Variants in ADGRB1 observed in about 807,000 individuals in gnomAD.
ADGRB1 encodes the protein adhesion G protein-coupled receptor B1.
Under a neutral mutation model 175.7 loss-of-function variants are expected in ADGRB1, and 36 were observed. That is an observed-to-expected ratio of 0.20 (90% CI 0.16 to 0.27). ADGRB1 has a LOEUF of 0.27. Among genes scored for constraint, ADGRB1 ranks in the 10% least tolerant of loss-of-function variants. The probability of loss-of-function intolerance (pLI) is 1.00; values close to 1 mark genes in which losing one functional copy is unlikely to be tolerated. For missense variants in ADGRB1, 1,731 were observed against 2,255.3 expected (o/e 0.77, Z 4.71); for synonymous variants, 1,054 against 979.4 (o/e 1.08, Z -1.42).
chr8:142,458,524 C>T (rs563280326), intron 1 of ADGRB1, among the ~76,000 whole-genome samples: 9 of 152,228 alleles, frequency 5.9e-5, no homozygotes, highest in South Asian at 4.1e-4. Flanking sequence ...ACGTTGGTGC[C>T]CTCTTCCCCA....
At chr8:142,513,091 G>T (rs569451060) in intron 18 of ADGRB1, among the ~76,000 whole-genome samples, 1 of 152,338 alleles carries the variant, frequency 6.6e-6, no homozygotes, top group African/African-American at 2.4e-5. Context: ...TGTTCACAGG[G>T]CAGGATGCCA....
At chr8:142,535,095 G>A (rs1207780385) in intron 25 of ADGRB1, among the ~76,000 whole-genome samples, 1 of 152,258 alleles carries the variant, frequency 6.6e-6, no homozygotes, top group Non-Finnish European at 1.5e-5. Flanking sequence ...GCAGCTCAAA[G>A]CTCAGTAGAA....
At chr8:142,514,311 C>T (rs924685270) in intron 18 of ADGRB1, among the ~76,000 whole-genome samples, 6 of 151,890 alleles carry the variant, frequency 4.0e-5, no homozygotes, top group African/African-American at 7.3e-5. Flanking sequence ...GTGAGACCCA[C>T]GAGTCCTCCT....
At chr8:142,483,908 C>T (rs372871787) in intron 11 of ADGRB1, 69 bp from the exon 12 acceptor site, 1 of 1,541,078 alleles carries the variant, frequency 6.5e-7, no homozygotes, top group Non-Finnish European at 9.0e-7. Flanking sequence ...GAATCCTGAC[C>T]CTGGTCACAG....
At chr8:142,499,710 G>A (rs374076840) in intron 17 of ADGRB1, among the ~76,000 whole-genome samples, 80 of 152,308 alleles carry the variant, frequency 5.3e-4, no homozygotes, top group African/African-American at 1.6e-3. Context: ...TCCCCATGCC[G>A]CCTTTTAGAA....
rs954084293 is a variant in ADGRB1, at chr8:142,476,989, G to A, written c.1058-125G>A. ...TGAGATCAGCCTGGTTCGAAGGCCC[G>A]GGGGCTCTGCCCCAGCCCCGCTGCC... On this transcript the variant is annotated intron_variant, in intron 4 of 30. Transcript: ENST00000517894. 12 of 1,310,586 alleles carry A rather than the reference G, an allele frequency of 9.2e-6. No homozygotes were observed. The East Asian group carries it at 1.1e-4, about 12-fold the overall frequency. The allele number at this position is 1,310,586 out of a possible 1,614,324, so 81.2% of individuals were successfully genotyped here.
In ADGRB1 at chr8:142,464,059, G is replaced by T; in HGVS notation, c.-140G>T. The stretch of plus-strand genomic sequence containing the variant: ...CTGCCCTCTCTGTCACCTGAAGCGG[G>T]GCCCTCTCCCATCCCACCCTTGCCC... On this transcript the variant is annotated 5_prime_UTR_variant, in exon 2 of 31. Coordinates refer to ENST00000517894, the MANE Select transcript of ADGRB1 (RefSeq NM_001702.3). 1 of 709,600 alleles carries T rather than the reference G, an allele frequency of 1.4e-6. No homozygotes were observed. Among genetic ancestry groups the T allele is most frequent in the South Asian group, 7.1e-5 (1 of 14,058 alleles). The allele number at this position is 709,600 out of a possible 1,614,324, so 44.0% of individuals were successfully genotyped here. A position where few individuals can be genotyped will look rare whatever the true frequency, so the allele number is the denominator to read the frequency against.
In ADGRB1 at chr8:142,504,080, T is replaced by A. The variant is rs564196912; in HGVS notation, c.2676-6852T>A. ...TTCAGTAAGACCCAGGTCAGGCAGG[T>A]GTTCAAATGCCAAGGTCGATGGGTC... On this transcript the variant is annotated intron_variant, in intron 17 of 30. Transcript: ENST00000517894. This position sits in a 1 kb window ranked among gnomAD's most constrained non-coding sequence, Gnocchi z 5.6. 6.6e-6 allele frequency among the ~76,000 whole-genome samples: 1 copy of A among 152,218 alleles called. No individual in the cohort carries two copies. Among genetic ancestry groups the A allele is most frequent in the East Asian group, 1.9e-4 (1 of 5,164 alleles).
At chr8:142,480,135 G>A (rs1841253497) in intron 9 of ADGRB1, among the ~76,000 whole-genome samples, 1 of 152,242 alleles carries the variant, frequency 6.6e-6, no homozygotes, top group African/African-American at 2.4e-5. Context: ...GGGACAGGAA[G>A]AGGAGGTCTC....
rs968652986 is a variant in ADGRB1, at chr8:142,510,291, A to C, written c.2676-641A>C. Among the ~76,000 whole-genome samples, 6 of 151,914 alleles carry C rather than the reference A, an allele frequency of 3.9e-5. No homozygotes were observed. The highest frequency in any genetic ancestry group is 8.8e-5 in the Non-Finnish European group (6 of 67,928). On this transcript the variant is annotated intron_variant, in intron 17 of 30. Transcript: ENST00000517894. The surrounding 1 kb of genome is among the most constrained non-coding windows in gnomAD (Gnocchi z 6.3). The stretch of plus-strand genomic sequence containing the variant: ...CCGCAGAGGGAAGTTTCCAGCGGCA[A>C]GCCTCCCCGCGGGGAAGGCTGTGTC...
At chr8:142,519,411 T>C (rs1843632416) in intron 19 of ADGRB1, among the ~76,000 whole-genome samples, 2 of 152,150 alleles carry the variant, frequency 1.3e-5, no homozygotes, top group South Asian at 4.1e-4. Flanking sequence ...CCCCTGAGGC[T>C]CAGCCCTGTG....
In ADGRB1 at chr8:142,543,556, G is replaced by A; in HGVS notation, c.4450-45G>A. Reference sequence around the variant, plus strand: ...GGGCGGGGCAGGCAGGATGGGCCATGCCCTCCTCCTGGCCCAGGACTCACT... The same window carrying A: ...GGGCGGGGCAGGCAGGATGGGCCATACCCTCCTCCTGGCCCAGGACTCACT... On this transcript the variant is annotated intron_variant, in intron 29 of 30. Transcript: ENST00000517894. This position sits in a 1 kb window ranked among gnomAD's most constrained non-coding sequence, Gnocchi z 4.4. 6.3e-7 allele frequency: 1 copy of A among 1,578,642 alleles called. No homozygotes were observed. Among genetic ancestry groups the A allele is most frequent in the Non-Finnish European group, 8.6e-7 (1 of 1,161,684 alleles).
At position 142,479,310 on chromosome 8, in the gene ADGRB1, C is replaced by T; in HGVS notation, c.1562-13C>T. ...CTTGTCGCCTGTGCCCTGTGTCTGGCCACGCCCCGCAGTGGATGGCAAGTG... is the reference window on the plus strand; with the variant it reads ...CTTGTCGCCTGTGCCCTGTGTCTGGTCACGCCCCGCAGTGGATGGCAAGTG... On this transcript the variant is annotated splice_polypyrimidine_tract_variant and intron_variant, in intron 7 of 30. Transcript: ENST00000517894. 6.8e-7 allele frequency: 1 copy of T among 1,481,146 alleles called. No individual in the cohort carries two copies. The highest frequency in any genetic ancestry group is 8.9e-7 in the Non-Finnish European group (1 of 1,122,236). The allele number at this position is 1,481,146 out of a possible 1,614,324, so 91.8% of individuals were successfully genotyped here. A position where few individuals can be genotyped will look rare whatever the true frequency, so the allele number is the denominator to read the frequency against.
intron 27 of ADGRB1, among the ~76,000 whole-genome samples, chr8:142,541,557 C>G (rs900457539): frequency 6.6e-6 from 1 of 152,224 alleles, no homozygotes; most frequent in African/African-American, 2.4e-5. Flanking sequence ...GTTGGAGGGC[C>G]GGCTGGGCTC....
Position 142,456,946 on chromosome 8 carries a change from T to C in ADGRB1, c.-220+6842T>C, listed in dbSNP as rs978840470. 4.9e-4 allele frequency among the ~76,000 whole-genome samples: 75 copies of C among 152,342 alleles called. 1 individual carries two copies. The highest frequency in any genetic ancestry group is 1.8e-3 in the African/African-American group (74 of 41,590). On this transcript the variant is annotated intron_variant, in intron 1 of 30. Transcript: ENST00000517894. ...CAGCCCTGCCTTCGAGGGCAACTTC[T>C]AGGCAAGGTAGCCCTCCTCACTCTG...
rs760891185 is a variant in ADGRB1 at position 142,542,381 on chromosome 8, G to A, written c.4147G>A (p.Ala1383Thr). ...GACCCGCCTCATCCACCTCAGCACG[G>A]CCCCCGAGGCCAGCCTCCCCGCCCG... ...PQTRLIHLST[A>T]PEASLPARSP... The change falls in exon 28 of 31, where the codon GCC becomes ACC. Residue 1383 changes from alanine to threonine, a missense_variant. Transcript: ENST00000517894. The surrounding 1 kb of genome is among the most constrained non-coding windows in gnomAD (Gnocchi z 6.3). 5.2e-5 allele frequency: 81 copies of A among 1,566,732 alleles called. No individual in the cohort carries two copies. The highest frequency in any genetic ancestry group is 1.3e-4 in the Admixed American group (7 of 52,932).
intron 23 of ADGRB1, 54 bp downstream of exon 23, chr8:142,524,358 G>T: frequency 6.7e-7 from 1 of 1,503,374 alleles, no homozygotes. Flanking sequence ...CCCCCCACCT[G>T]CCTCCTGGGC....
In ADGRB1 at chr8:142,537,133, C is replaced by T. The variant is rs542478693; in HGVS notation, c.3666+51C>T. 4.5e-6 allele frequency: 6 copies of T among 1,344,234 alleles called. No individual in the cohort carries two copies. The highest frequency in any genetic ancestry group is 3.0e-5 in the African/African-American group (2 of 66,018). The allele number at this position is 1,344,234 out of a possible 1,614,324, so 83.3% of individuals were successfully genotyped here. A position where few individuals can be genotyped will look rare whatever the true frequency, so the allele number is the denominator to read the frequency against. On this transcript the variant is annotated intron_variant, in intron 26 of 30. Coordinates refer to ENST00000517894, the MANE Select transcript of ADGRB1 (RefSeq NM_001702.3). The surrounding 1 kb of genome is among the most constrained non-coding windows in gnomAD (Gnocchi z 4.6). ...GGCTGCCCTACCTGCCTCGTACCCCCGCCAAGTGCCTCCAGGCCCTCACCG... is the reference window on the plus strand; with the variant it reads ...GGCTGCCCTACCTGCCTCGTACCCCTGCCAAGTGCCTCCAGGCCCTCACCG...
chr8:142,466,186 G>A (rs1056179320), intron 2 of ADGRB1, among the ~76,000 whole-genome samples: 3 of 152,206 alleles, frequency 2.0e-5, no homozygotes, highest in African/African-American at 7.2e-5. Context: ...TCGGGGGTGA[G>A]GCTGGGCTGT....
Sources: gnomAD v4.1 joint callset for allele counts (sites outside exome capture counted in the v4.1 genomes callset) on GRCh38, gnomAD v4.1.1 for gene constraint, Gnocchi (gnomAD v3.1) non-coding constraint, MANE v1.5 for transcripts, NCBI Gene and HGNC (gene_info 2026-07-23, HGNC 2026-07-21) for gene names.